The following RBFOX1 variants were observed in gnomAD, a reference collection of about 807,000 sequenced individuals.
RBFOX1 encodes the protein RNA binding fox-1 homolog 1.
A neutral mutation model predicts 57.7 loss-of-function variants in RBFOX1; 8 were observed. The observed-to-expected ratio is 0.14, with a 90% CI of 0.08 to 0.25. The LOEUF (loss-of-function observed/expected upper bound fraction) is 0.25. RBFOX1 is among the 10% of genes least tolerant of loss of function. The pLI, the probability that RBFOX1 is intolerant of heterozygous loss-of-function variation, is 1.00. For missense variants in RBFOX1, 611 were observed against 548.5 expected, an observed-to-expected ratio of 1.11 and a Z score of -1.14; for synonymous variants, 326 against 222.4, an observed-to-expected ratio of 1.47 and a Z score of -4.15.
At chr16:6,837,173 A>C (rs1419351412) in intron 3 of RBFOX1, among the ~76,000 whole-genome samples, 1 of 152,202 alleles carries the variant, frequency 6.6e-6, no homozygotes, top group Non-Finnish European at 1.5e-5. Flanking sequence ...TCTGAGTTTA[A>C]ATAACTAAAA....
rs146281790 is a variant in RBFOX1, at chr16:6,239,876, G to C, written c.-126-77119G>C. On this transcript the variant is annotated intron_variant, in intron 1 of 15. Transcript: ENST00000550418. ...TGACATCATAAAAATAGGTACGTGA[G>C]TGTCTGATATAGTTTGGGTAGTTGT... 4.4e-3 allele frequency among the ~76,000 whole-genome samples: 675 copies of C among 152,238 alleles called. 1 individual carries two copies. Among genetic ancestry groups the C allele is most frequent in the Non-Finnish European group, 7.2e-3 (489 of 68,024 alleles).
rs375290916 is a variant in RBFOX1, at chr16:5,433,596, G to A, written c.220-33620G>A. Among the ~76,000 whole-genome samples the A allele has an allele frequency of 8.5e-5, 13 of 152,280 alleles. No individual in the cohort carries two copies. The East Asian group carries it at 2.3e-3, about 27-fold the overall frequency. On this transcript the variant is annotated intron_variant, in intron 1 of 2. Transcript: ENST00000585867. ...GGGACACAAAGAGATTTTAAAAATA[G>A]CATCTATTTTATCCCAATTACAAAA...
At chr16:6,774,661 G>A (rs770491988) in intron 3 of RBFOX1, among the ~76,000 whole-genome samples, 13 of 152,070 alleles carry the variant, frequency 8.5e-5, no homozygotes, top group Non-Finnish European at 1.9e-4. Context: ...AATATATAGA[G>A]TATTCTTGAC....
At chr16:5,721,563 T>G (rs1323049302) in intron 3 of RBFOX1, among the ~76,000 whole-genome samples, 3 of 152,184 alleles carry the variant, frequency 2.0e-5, no homozygotes, top group Non-Finnish European at 4.4e-5. Flanking sequence ...GGGAAGGCAT[T>G]CAGTCTTCGG....
intron 5 of RBFOX1, among the ~76,000 whole-genome samples, chr16:7,526,174 C>T (rs140253263): frequency 5.9e-5 from 9 of 152,184 alleles, no homozygotes; most frequent in Non-Finnish European, 1.0e-4. Flanking sequence ...GCTTGATTAT[C>T]TGAGGTGCAA....
At chr16:6,994,902 A>T (rs894740879) in intron 3 of RBFOX1, among the ~76,000 whole-genome samples, 3 of 151,934 alleles carry the variant, frequency 2.0e-5, no homozygotes, top group Non-Finnish European at 4.4e-5. Flanking sequence ...GGATATCTCT[A>T]TCAGAACATA....
intron 2 of RBFOX1, among the ~76,000 whole-genome samples, chr16:6,652,261 CAATATGGTGA>C (rs1568053602): frequency 6.6e-6 from 1 of 152,056 alleles, no homozygotes; most frequent in Non-Finnish European, 1.5e-5. Flanking sequence ...GCATCCTGGC[CAATATGGTGA>C]AATCCCATCT....
chr16:5,751,251 G>C (rs779773329), intron 3 of RBFOX1, among the ~76,000 whole-genome samples: 5 of 152,124 alleles, frequency 3.3e-5, no homozygotes, highest in Non-Finnish European at 5.9e-5. Flanking sequence ...TGATTATGAA[G>C]TTTCTTCTCA....
At chr16:6,754,583 A>G (rs2075480940) in intron 3 of RBFOX1, among the ~76,000 whole-genome samples, 1 of 151,992 alleles carries the variant, frequency 6.6e-6, no homozygotes, top group Non-Finnish European at 1.5e-5. Context: ...GGCCTCCACT[A>G]ATTTTTTGCA....
Position 7,461,181 on chromosome 16 carries a change from T to C in RBFOX1, c.28-56966T>C, listed in dbSNP as rs138904236. 2.8e-3 allele frequency among the ~76,000 whole-genome samples: 425 copies of C among 152,224 alleles called. 1 individual carries two copies. Among genetic ancestry groups the C allele is most frequent in the Admixed American group, 5.7e-3 (87 of 15,292 alleles). On this transcript the variant is annotated intron_variant, in intron 4 of 15. Coordinates refer to ENST00000550418, the MANE Select transcript of RBFOX1 (RefSeq NM_018723.4). ...AAAAAACAAAGGCAAAACAATTTTT[T>C]TTTTTTTGAGACAGTCTCACCCTGT...
intron 3 of RBFOX1, among the ~76,000 whole-genome samples, chr16:5,749,825 T>A (rs1195077132): frequency 6.6e-6 from 1 of 152,184 alleles, no homozygotes; most frequent in Non-Finnish European, 1.5e-5. Flanking sequence ...CCTCCGTTAG[T>A]TCAGAGAAGT....
At chr16:5,339,470 G>GTTTTTTTTGTTTTTTTTTTTTTTT (rs2064982986) in intron 1 of RBFOX1, among the ~76,000 whole-genome samples, 1 of 40,854 alleles carries the variant, frequency 2.4e-5, no homozygotes, top group Non-Finnish European at 4.5e-5. Flanking sequence ...CTTTTTCCGT[G>GTTTTTTTTGTTTTTTTTTTTTTTT]TTTTTTTTTT....
chr16:5,820,047 A>G (rs1284681574), intron 3 of RBFOX1, among the ~76,000 whole-genome samples: 1 of 152,174 alleles, frequency 6.6e-6, no homozygotes, highest in Non-Finnish European at 1.5e-5. Flanking sequence ...AGGTGACTTT[A>G]CTGCACACTC....
At position 6,058,049 on chromosome 16, in the gene RBFOX1, A is replaced by T. The variant is rs529776370; in HGVS notation, c.-127+38057A>T. ...TTGAAAGGATGGCAGAGTTCAAAGGAGGCAGTGCCAAAGGAGCAAACGCAG... is the reference window on the plus strand; with the variant it reads ...TTGAAAGGATGGCAGAGTTCAAAGGTGGCAGTGCCAAAGGAGCAAACGCAG... On this transcript the variant is annotated intron_variant, in intron 1 of 15. Transcript: ENST00000550418. Among the ~76,000 whole-genome samples, 5 of 152,120 alleles carry T rather than the reference A, an allele frequency of 3.3e-5. No individual in the cohort carries two copies. In the South Asian group the frequency reaches 6.2e-4, roughly 19 times the overall value.
chr16:6,483,781 G>A (rs2095414696), intron 2 of RBFOX1: 3 of 1,400,454 alleles, frequency 2.1e-6, no homozygotes, highest in Non-Finnish European at 1.9e-6. Context: ...CAACGTTAGC[G>A]CAGACACGGT....
At chr16:6,403,639 G>A (rs2093166073) in intron 2 of RBFOX1, among the ~76,000 whole-genome samples, 1 of 152,134 alleles carries the variant, frequency 6.6e-6, no homozygotes, top group Admixed American at 6.5e-5. Context: ...GTAGCCATGA[G>A]CCACCGTGCC....
intron 2 of RBFOX1, among the ~76,000 whole-genome samples, chr16:6,458,778 T>G (rs938248969): frequency 1.1e-4 from 17 of 152,220 alleles, no homozygotes; most frequent in South Asian, 4.1e-4. Flanking sequence ...ACGACAGAGT[T>G]GCATGTAAAA....
intron 3 of RBFOX1, among the ~76,000 whole-genome samples, chr16:6,964,134 C>A (rs2083589345): frequency 6.6e-6 from 1 of 152,168 alleles, no homozygotes; most frequent in Non-Finnish European, 1.5e-5. Flanking sequence ...TCTCCTGCCT[C>A]AGCCTCCCAA....
chr16:6,834,503 G>GATGA (rs34043490), intron 3 of RBFOX1, among the ~76,000 whole-genome samples: 88,629 of 150,360 alleles, frequency 0.59, 27,480 homozygotes, highest in East Asian at 0.77. Flanking sequence ...ACTGTTTATT[G>GATGA]ATGAATGAAT....
Sources: gnomAD v4.1 joint callset for allele counts (sites outside exome capture counted in the v4.1 genomes callset) on GRCh38, gnomAD v4.1.1 for gene constraint, MANE v1.5 for transcripts, NCBI Gene and HGNC (gene_info 2026-07-23, HGNC 2026-07-21) for gene names.